The following CDIN1 variants were observed in gnomAD, a reference collection of about 807,000 sequenced individuals.
CDIN1 encodes CDAN1-interacting nuclease 1.
CDIN1 carries 33 observed loss-of-function variants against 45.3 expected under a neutral mutation model. The ratio of observed to expected loss-of-function variants is 0.73; its 90% CI spans 0.55 to 0.97. CDIN1 has a LOEUF of 0.97. Ranked by LOEUF, CDIN1 falls within the 50% of genes least tolerant of loss-of-function variation. CDIN1 has a pLI of 0.00. For missense variants in CDIN1, 303 were observed against 339.4 expected (o/e 0.89, Z 0.84); for synonymous variants, 118 against 124.4 (o/e 0.95, Z 0.34).
chr15:36,618,733 G>T, intron 1 of CDIN1: 1 of 770,756 alleles, frequency 1.3e-6, no homozygotes, highest in Non-Finnish European at 2.4e-6. Flanking sequence ...ATGTGCAGCT[G>T]AGCCTACTGC....
At chr15:36,735,565 A>G (rs891554701) in intron 10 of CDIN1, among the ~76,000 whole-genome samples, 7 of 152,124 alleles carry the variant, frequency 4.6e-5, no homozygotes, top group Non-Finnish European at 8.8e-5. Flanking sequence ...GTGCATATAT[A>G]TGCATATTAT....
chr15:36,731,605 G>T (rs2043837085), intron 10 of CDIN1, among the ~76,000 whole-genome samples: 1 of 152,022 alleles, frequency 6.6e-6, no homozygotes, highest in Admixed American at 6.6e-5. Flanking sequence ...ATTTTCATCA[G>T]CATTTTCTAA....
At chr15:36,677,788 G>GA (rs2041700340) in intron 5 of CDIN1, among the ~76,000 whole-genome samples, 1 of 152,138 alleles carries the variant, frequency 6.6e-6, no homozygotes, top group South Asian at 2.1e-4. Flanking sequence ...TTAGCCAAAG[G>GA]AAAGTCAGGA....
chr15:36,705,150 T>A (rs556167444), intron 8 of CDIN1: 2 of 152,336 alleles, frequency 1.3e-5, no homozygotes, highest in Admixed American at 1.3e-4. Flanking sequence ...AAGACAGTCC[T>A]GACAACTTAA....
chr15:36,595,031 CT>C, intron 1 of CDIN1: 1 of 503,790 alleles, frequency 2.0e-6, no homozygotes, highest in Non-Finnish European at 2.6e-6. Flanking sequence ...GTTCTTATGG[CT>C]TATGGAAAAG....
intron 10 of CDIN1, among the ~76,000 whole-genome samples, chr15:36,723,438 T>C (rs539521557): frequency 6.2e-4 from 94 of 152,312 alleles, no homozygotes; most frequent in African/African-American, 2.0e-3. Context: ...AGTGAAGTCA[T>C]TGGTTGTGTG....
intron 10 of CDIN1, among the ~76,000 whole-genome samples, chr15:36,713,263 A>G (rs987233878): frequency 1.3e-5 from 2 of 152,172 alleles, no homozygotes; most frequent in Admixed American, 1.3e-4. Flanking sequence ...ACAGTGACCA[A>G]CAACCACTGA....
At chr15:36,658,488 A>C (rs1469460371) in intron 5 of CDIN1, among the ~76,000 whole-genome samples, 1 of 152,212 alleles carries the variant, frequency 6.6e-6, no homozygotes, top group African/African-American at 2.4e-5. Context: ...ATTTATGAGT[A>C]ATATTCAATG....
intron 8 of CDIN1, among the ~76,000 whole-genome samples, chr15:36,702,655 T>C (rs1230343170): frequency 6.6e-6 from 1 of 152,102 alleles, no homozygotes; most frequent in Non-Finnish European, 1.5e-5. Context: ...AAAAGGAGAA[T>C]TTATTGGCTT....
In CDIN1 at chr15:36,697,394, A is replaced by T. The variant is rs751587651; in HGVS notation, c.544+4A>T. On this transcript the variant is annotated splice_donor_region_variant and intron_variant, in intron 8 of 10. Coordinates refer to ENST00000566621, the MANE Select transcript of CDIN1 (RefSeq NM_001321759.2). ...GAGAAAAACCTGTCCTTCCTAGGTAAGTATTATTCACATCTTCTCTAGCTT... is the reference window on the plus strand; with the variant it reads ...GAGAAAAACCTGTCCTTCCTAGGTATGTATTATTCACATCTTCTCTAGCTT... 1 of 1,606,046 alleles carries T rather than the reference A, an allele frequency of 6.2e-7. No individual in the cohort carries two copies. The highest frequency in any genetic ancestry group is 8.5e-7 in the Non-Finnish European group (1 of 1,175,912).
chr15:36,788,230 C>T (rs1269493329), intron 10 of CDIN1, among the ~76,000 whole-genome samples: 1 of 149,284 alleles, frequency 6.7e-6, no homozygotes, highest in Middle Eastern at 3.5e-3. Context: ...GATTCTTCTG[C>T]CTCAGCCTCC....
chr15:36,599,391 T>C (rs1214004852), intron 1 of CDIN1, among the ~76,000 whole-genome samples: 2 of 152,188 alleles, frequency 1.3e-5, no homozygotes, highest in Non-Finnish European at 2.9e-5. Context: ...ATTTTGTGAG[T>C]TCCACTTTAT....
chr15:36,731,316 A>C (rs989600639), intron 10 of CDIN1, among the ~76,000 whole-genome samples: 1 of 152,092 alleles, frequency 6.6e-6, no homozygotes, highest in Non-Finnish European at 1.5e-5. Context: ...ATAGGTACTT[A>C]ATTGCCCTTC....
chr15:36,748,774 G>A (rs2053369827), intron 10 of CDIN1, among the ~76,000 whole-genome samples: 1 of 152,056 alleles, frequency 6.6e-6, no homozygotes, highest in South Asian at 2.1e-4. Flanking sequence ...TCTGATTTGA[G>A]GGTCAGTTTT....
At chr15:36,656,579 C>T (rs189491982) in intron 4 of CDIN1, among the ~76,000 whole-genome samples, 10 of 152,042 alleles carry the variant, frequency 6.6e-5, no homozygotes, top group Admixed American at 3.3e-4. Flanking sequence ...GCATGATGGC[C>T]CTATTTCAGA....
At position 36,645,217 on chromosome 15, in the gene CDIN1, T is replaced by G; in HGVS notation, c.148-6T>G. 1.3e-6 allele frequency: 2 copies of G among 1,549,036 alleles called. No homozygotes were observed. Among genetic ancestry groups the G allele is most frequent in the Non-Finnish European group, 1.7e-6 (2 of 1,145,588 alleles). ...TTTTTTTGTGTTGTTGTTTTTTTTC[T>G]TTCAGAAACACATTAAAAGAACACA... On this transcript the variant is annotated splice_region_variant and splice_polypyrimidine_tract_variant and intron_variant, in intron 2 of 10. Transcript: ENST00000566621.
At chr15:36,724,611 T>C (rs1169485704) in intron 10 of CDIN1, among the ~76,000 whole-genome samples, 1 of 152,118 alleles carries the variant, frequency 6.6e-6, no homozygotes, top group Non-Finnish European at 1.5e-5. Context: ...GGATCATCCA[T>C]GGTAGAAAGA....
chr15:36,797,413 G>A (rs376120938), intron 10 of CDIN1, among the ~76,000 whole-genome samples: 2 of 152,162 alleles, frequency 1.3e-5, no homozygotes, highest in African/African-American at 2.4e-5. Context: ...AGAGCCACCT[G>A]TGTGCAGCAA....
intron 5 of CDIN1, among the ~76,000 whole-genome samples, chr15:36,682,542 G>A (rs1325576855): frequency 6.6e-6 from 1 of 151,512 alleles, no homozygotes; most frequent in East Asian, 1.9e-4. Flanking sequence ...GGGAAGCTGA[G>A]GCAGGTGGAT....
Sources: allele counts gnomAD v4.1 joint callset (sites outside exome capture counted in the v4.1 genomes callset), GRCh38; gene constraint gnomAD v4.1.1; transcripts MANE v1.5; gene names NCBI Gene and HGNC (gene_info 2026-07-23, HGNC 2026-07-21).